ANKS1B: variants seen among roughly 807,000 people sequenced by gnomAD.
ANKS1B encodes the protein ankyrin repeat and sterile alpha motif domain-containing protein 1B.
In ANKS1B, 36 loss-of-function variants were observed where a neutral mutation model predicts 148.3. The observed-to-expected ratio is 0.24, with a 90% confidence interval of 0.19 to 0.32. ANKS1B has a LOEUF of 0.32. Ranked by LOEUF, ANKS1B falls within the 10% of genes least tolerant of loss-of-function variation. The probability of loss-of-function intolerance (pLI) is 1.00; values close to 1 mark genes in which losing one functional copy is unlikely to be tolerated. For missense variants in ANKS1B, 1,157 were observed against 1,542.6 expected (o/e 0.75, Z 4.19); for synonymous variants, 542 against 560.8 (o/e 0.97, Z 0.47).
At chr12:99,074,037 T>G (rs927803821) in intron 16 of ANKS1B, among the ~76,000 whole-genome samples, 2 of 152,142 alleles carry the variant, frequency 1.3e-5, no homozygotes, top group African/African-American at 4.8e-5. Flanking sequence ...CTCTAAACTG[T>G]GATTATTCTT....
intron 9 of ANKS1B, among the ~76,000 whole-genome samples, chr12:99,619,833 C>T (rs1312685046): frequency 6.6e-6 from 1 of 152,182 alleles, no homozygotes; most frequent in East Asian, 1.9e-4. Context: ...CCACTGGATT[C>T]TTGCTTGGCA....
intron 17 of ANKS1B, among the ~76,000 whole-genome samples, chr12:98,933,230 A>T (rs1033617595): frequency 7.9e-5 from 12 of 152,208 alleles, no homozygotes; most frequent in Non-Finnish European, 1.2e-4. Flanking sequence ...CACAAGTAGC[A>T]TTATGTAGTA....
intron 1 of ANKS1B, among the ~76,000 whole-genome samples, chr12:99,903,498 C>G (rs188585622): frequency 1.4e-3 from 213 of 152,266 alleles, no homozygotes; most frequent in Admixed American, 2.5e-3. Context: ...GAGAGAAGCA[C>G]AGATGAGAGA....
At chr12:99,933,488 AG>A (rs1372268548) in intron 1 of ANKS1B, among the ~76,000 whole-genome samples, 1 of 151,824 alleles carries the variant, frequency 6.6e-6, no homozygotes, top group Non-Finnish European at 1.5e-5. Flanking sequence ...TCTTTGGTTA[AG>A]TTTATTCCTG....
intron 17 of ANKS1B, among the ~76,000 whole-genome samples, chr12:98,941,968 C>A (rs548012844): frequency 2.0e-5 from 3 of 152,228 alleles, no homozygotes; most frequent in Non-Finnish European, 4.4e-5. Context: ...TTGAGCCGGG[C>A]ACAGTGGCTC....
At position 99,917,535 on chromosome 12, in the gene ANKS1B, A is replaced by G. The variant is rs78081553; in HGVS notation, c.134+66569T>C. On this transcript the variant is annotated intron_variant, in intron 1 of 26. Transcript: ENST00000683438. ...ACAGAACCATCCCTCAAAAAAGCCA[A>G]TCAGACATTTGTGGCAGGTTGATTA... Among the ~76,000 whole-genome samples, 113 of 152,376 alleles carry G rather than the reference A, an allele frequency of 7.4e-4. 2 individuals carry two copies. In the East Asian group the frequency reaches 0.012, roughly 16 times the overall value.
At position 99,416,382 on chromosome 12, in the gene ANKS1B, C is replaced by T. The variant is rs1480372939; in HGVS notation, c.1576-16571G>A. ...GGATAAATTCCCAGAAGTACAAATG[C>T]TGGTTGGTATGGCAGTTCAATGTTT... is the stretch of plus-strand genomic sequence containing the variant. On this transcript the variant is annotated intron_variant, in intron 11 of 26. Transcript: ENST00000683438. Among the ~76,000 whole-genome samples, 5 of 152,182 alleles carry T rather than the reference C, an allele frequency of 3.3e-5. No individual in the cohort carries two copies. The East Asian group carries it at 9.6e-4, about 29-fold the overall frequency.
At chr12:98,828,054 T>A (rs2099264783) in intron 19 of ANKS1B, among the ~76,000 whole-genome samples, 1 of 152,148 alleles carries the variant, frequency 6.6e-6, no homozygotes, top group Non-Finnish European at 1.5e-5. Flanking sequence ...ATAAAATTAT[T>A]CTTATTTCTC....
chr12:99,430,272 T>C (rs2095346598), intron 11 of ANKS1B, among the ~76,000 whole-genome samples: 1 of 152,046 alleles, frequency 6.6e-6, no homozygotes, highest in South Asian at 2.1e-4. Flanking sequence ...TTAAGACAGG[T>C]ACAGTGGGAG....
intron 1 of ANKS1B, among the ~76,000 whole-genome samples, chr12:99,935,553 T>C (rs2153811871): frequency 6.6e-6 from 1 of 152,128 alleles, no homozygotes; most frequent in South Asian, 2.1e-4. Flanking sequence ...GCTGACATAA[T>C]TCATTTCCCT....
chr12:98,902,782 C>T (rs1178445286), intron 17 of ANKS1B, among the ~76,000 whole-genome samples: 3 of 152,162 alleles, frequency 2.0e-5, no homozygotes, highest in Admixed American at 6.5e-5. Flanking sequence ...GCCTGGACCA[C>T]AATAATTATT....
At chr12:99,339,185 C>T (rs1299818012) in intron 12 of ANKS1B, among the ~76,000 whole-genome samples, 2 of 152,122 alleles carry the variant, frequency 1.3e-5, no homozygotes, top group Non-Finnish European at 2.9e-5. Flanking sequence ...GTGGGGCTAG[C>T]CAGAACTTGG....
At chr12:99,212,436 A>T (rs1015941628) in intron 14 of ANKS1B, among the ~76,000 whole-genome samples, 1 of 151,760 alleles carries the variant, frequency 6.6e-6, no homozygotes, top group Admixed American at 6.6e-5. Flanking sequence ...CTATGCAAAC[A>T]TACTCTGACC....
At chr12:98,989,188 C>T (rs1158476967) in intron 17 of ANKS1B, among the ~76,000 whole-genome samples, 3 of 152,098 alleles carry the variant, frequency 2.0e-5, no homozygotes, top group Admixed American at 2.0e-4. Context: ...ATTGCCTAGA[C>T]CAATGTCATG....
chr12:99,657,897 C>CAAAAAAA (rs58151526), intron 8 of ANKS1B, among the ~76,000 whole-genome samples: 2 of 75,412 alleles, frequency 2.7e-5, no homozygotes, highest in Admixed American at 1.6e-4. Context: ...TCTCCTCCCT[C>CAAAAAAA]AAAAAAAAAA....
At chr12:99,374,397 G>A (rs186451168) in intron 12 of ANKS1B, among the ~76,000 whole-genome samples, 1 of 152,168 alleles carries the variant, frequency 6.6e-6, no homozygotes, top group African/African-American at 2.4e-5. Flanking sequence ...GTGAACTGGT[G>A]TGTCTACAGG....
At chr12:99,038,268 T>G (rs1346823729) in intron 17 of ANKS1B, among the ~76,000 whole-genome samples, 2 of 152,132 alleles carry the variant, frequency 1.3e-5, no homozygotes, top group African/African-American at 4.8e-5. Context: ...CCTCCAAATT[T>G]TCCCTAACAA....
intron 1 of ANKS1B, among the ~76,000 whole-genome samples, chr12:99,942,630 G>T (rs2153817017): frequency 6.6e-6 from 1 of 152,202 alleles, no homozygotes; most frequent in African/African-American, 2.4e-5. Flanking sequence ...AGCAGAGATA[G>T]AAGATCCAGT....
At chr12:99,829,674 A>G (rs1171716341) in intron 1 of ANKS1B, among the ~76,000 whole-genome samples, 1 of 151,946 alleles carries the variant, frequency 6.6e-6, no homozygotes, top group Non-Finnish European at 1.5e-5. Flanking sequence ...AACAAAAAAT[A>G]CAATAATTAG....
Sources: gnomAD v4.1 joint callset for allele counts (sites outside exome capture counted in the v4.1 genomes callset) on GRCh38, gnomAD v4.1.1 for gene constraint, MANE v1.5 for transcripts, NCBI Gene and HGNC (gene_info 2026-07-23, HGNC 2026-07-21) for gene names.